Variants in ITGA2 observed in about 807,000 individuals in gnomAD.
ITGA2 encodes integrin alpha-2.
In ITGA2, 101 loss-of-function variants were observed where a neutral mutation model predicts 146.3. That is an observed-to-expected ratio of 0.69 (90% CI 0.59 to 0.81). The LOEUF (loss-of-function observed/expected upper bound fraction) is 0.81. ITGA2 is among the 40% of genes least tolerant of loss of function. The pLI is 0.00. For missense variants in ITGA2, 1,281 were observed against 1,402.7 expected, an observed-to-expected ratio of 0.91 and a Z score of 1.39; for synonymous variants, 477 against 487.1, an observed-to-expected ratio of 0.98 and a Z score of 0.27.
chr5:53,026,698 CTT>C, intron 1 of ITGA2, 48 bp from the exon 2 acceptor site: 1 of 1,519,558 alleles, frequency 6.6e-7, no homozygotes, highest in Non-Finnish European at 9.1e-7. Context: ...ATACGACACA[CTT>C]ATATTCATGA....
intron 1 of ITGA2, among the ~76,000 whole-genome samples, chr5:53,017,813 C>T (rs535572483): frequency 3.3e-5 from 5 of 152,112 alleles, no homozygotes; most frequent in Non-Finnish European, 7.4e-5. Context: ...ACAAGGTCTT[C>T]TGGCATGTGT....
rs759961441 is a variant in ITGA2 at position 52,989,465 on chromosome 5, C to T, written c.-4C>T. 3 of 1,614,176 alleles carry T rather than the reference C, an allele frequency of 1.9e-6. No individual in the cohort carries two copies. The highest frequency in any genetic ancestry group is 2.5e-6 in the Non-Finnish European group (3 of 1,179,992). On this transcript the variant is annotated 5_prime_UTR_variant, in exon 1 of 30. Coordinates refer to ENST00000296585, the MANE Select transcript of ITGA2 (RefSeq NM_002203.4). Reference sequence around the variant, plus strand: ...GCAACTACGGTCCCCCGGTCAGACCCAGGATGGGGCCAGAACGGACAGGGG... The same window carrying T: ...GCAACTACGGTCCCCCGGTCAGACCTAGGATGGGGCCAGAACGGACAGGGG...
chr5:53,025,978 A>G lies in ITGA2; in HGVS notation c.65-770A>G, dbSNP rs181165630. On this transcript the variant is annotated intron_variant, in intron 1 of 29. Coordinates refer to ENST00000296585, the MANE Select transcript of ITGA2 (RefSeq NM_002203.4). ...TAAGAATTTTCAAAAAAAATAAAAT[A>G]AAATCTATCAAGGCTTTATATGCCT... Among the ~76,000 whole-genome samples, 182 of 152,286 alleles carry G rather than the reference A, an allele frequency of 1.2e-3. 2 individuals carry two copies. The South Asian group carries it at 0.027, about 23-fold the overall frequency.
chr5:53,043,165 A>G (rs1039105144), intron 3 of ITGA2, among the ~76,000 whole-genome samples: 2 of 152,030 alleles, frequency 1.3e-5, no homozygotes, highest in African/African-American at 4.8e-5. Flanking sequence ...GGTGATCTAG[A>G]TCAGTGATCT....
intron 27 of ITGA2, among the ~76,000 whole-genome samples, chr5:53,084,294 T>A (rs1339633952): frequency 6.6e-6 from 1 of 151,026 alleles, no homozygotes; most frequent in Non-Finnish European, 1.5e-5. Context: ...CTTACTAGAT[T>A]TTTTTTTTCT....
At chr5:53,056,837 C>T (rs1447294813) in intron 9 of ITGA2, among the ~76,000 whole-genome samples, 1 of 150,970 alleles carries the variant, frequency 6.6e-6, no homozygotes, top group Non-Finnish European at 1.5e-5. Flanking sequence ...AAAAAAAAAA[C>T]ACACATCACC....
At chr5:53,081,262 G>A (rs951099627) in intron 25 of ITGA2, among the ~76,000 whole-genome samples, 2 of 152,128 alleles carry the variant, frequency 1.3e-5, no homozygotes, top group African/African-American at 4.8e-5. Flanking sequence ...TTTCTGTAGT[G>A]TGCATAGGAG....
At chr5:52,993,581 C>T (rs560370527) in intron 1 of ITGA2, among the ~76,000 whole-genome samples, 1 of 152,208 alleles carries the variant, frequency 6.6e-6, no homozygotes, top group East Asian at 1.9e-4. Context: ...AAATTCCTTC[C>T]GAAGTGGATG....
intron 9 of ITGA2, 77 bp downstream of exon 9, chr5:53,056,226 C>T: frequency 7.6e-7 from 1 of 1,308,938 alleles, no homozygotes; most frequent in Non-Finnish European, 1.1e-6. Flanking sequence ...ATTTGCTTTA[C>T]TAATGTTAAC....
intron 28 of ITGA2, among the ~76,000 whole-genome samples, chr5:53,088,287 TAATA>T (rs761651425): frequency 5.4e-4 from 83 of 152,320 alleles, no homozygotes; most frequent in Non-Finnish European, 3.5e-4. Flanking sequence ...TGAACAATTT[TAATA>T]AATCCATTAG....
chr5:53,011,851 C>G (rs1415608108), intron 1 of ITGA2, among the ~76,000 whole-genome samples: 2 of 151,992 alleles, frequency 1.3e-5, no homozygotes, highest in African/African-American at 4.8e-5. Flanking sequence ...GCAAGGTCCT[C>G]AAGGCTGAGA....
At chr5:53,072,292 T>C (rs1385953905) in intron 18 of ITGA2, among the ~76,000 whole-genome samples, 1 of 151,910 alleles carries the variant, frequency 6.6e-6, no homozygotes, top group Middle Eastern at 3.2e-3. Context: ...ATGTGTTCAA[T>C]ATATATTTGT....
intron 16 of ITGA2, among the ~76,000 whole-genome samples, chr5:53,067,842 ATTG>A (rs1277058041): frequency 4.6e-5 from 7 of 151,882 alleles, no homozygotes; most frequent in African/African-American, 1.2e-4. Context: ...ATCAGCAGGA[ATTG>A]TTGTCTTTTC....
rs370346359 is a variant in ITGA2 at position 53,058,000 on chromosome 5, C to T, written c.1097-25C>T. 434 of 1,574,022 alleles carry T rather than the reference C, an allele frequency of 2.8e-4. 1 individual carries two copies. Among genetic ancestry groups the T allele is most frequent in the Middle Eastern group, 2.0e-3 (12 of 5,974 alleles). ...TGATTTAAAATTACTGACAGTAATA[C>T]AATTTTTAAAATTGAATGTTCCAGG... On this transcript the variant is annotated intron_variant, in intron 9 of 29. Coordinates refer to ENST00000296585, the MANE Select transcript of ITGA2 (RefSeq NM_002203.4).
chr5:53,040,778 G>C (rs189054108), intron 2 of ITGA2, among the ~76,000 whole-genome samples: 1 of 152,222 alleles, frequency 6.6e-6, no homozygotes, highest in East Asian at 1.9e-4. Context: ...AAAATAATCT[G>C]CATTTTCCTT....
At chr5:53,063,431 A>T (rs1744992371) in intron 13 of ITGA2, among the ~76,000 whole-genome samples, 1 of 151,912 alleles carries the variant, frequency 6.6e-6, no homozygotes, top group Non-Finnish European at 1.5e-5. Flanking sequence ...TTAGGCATGT[A>T]TCCAACTCTT....
chr5:53,017,200 G>C (rs185010231), intron 1 of ITGA2, among the ~76,000 whole-genome samples: 2 of 152,292 alleles, frequency 1.3e-5, no homozygotes, highest in African/African-American at 4.8e-5. Context: ...CTGTTTCTTT[G>C]TCATCCGTGT....
intron 1 of ITGA2, among the ~76,000 whole-genome samples, chr5:53,012,160 T>C (rs536849914): frequency 6.6e-6 from 1 of 152,292 alleles, no homozygotes; most frequent in South Asian, 2.1e-4. Flanking sequence ...TTAAATTTCA[T>C]TGATGATTAA....
chr5:53,002,787 C>T (rs1240325276), intron 1 of ITGA2, among the ~76,000 whole-genome samples: 1 of 152,134 alleles, frequency 6.6e-6, no homozygotes, highest in Non-Finnish European at 1.5e-5. Context: ...GTGTAGCCAT[C>T]TGTAATGTGG....
Sources: gnomAD v4.1 joint callset for allele counts (sites outside exome capture counted in the v4.1 genomes callset) on GRCh38, gnomAD v4.1.1 for gene constraint, MANE v1.5 for transcripts, NCBI Gene and HGNC (gene_info 2026-07-23, HGNC 2026-07-21) for gene names.